The following CCBE1 variants were observed in gnomAD, a reference collection of about 807,000 sequenced individuals.
The protein encoded by CCBE1 is collagen and calcium-binding EGF domain-containing protein 1.
Under a neutral mutation model 50.0 loss-of-function variants are expected in CCBE1, and 37 were observed. That is an observed-to-expected ratio of 0.74 (90% confidence interval 0.57 to 0.97). The LOEUF is 0.97. CCBE1 is among the 50% of genes least tolerant of loss of function. The pLI, the probability that CCBE1 is intolerant of heterozygous loss-of-function variation, is 0.00. For synonymous variants in CCBE1, 234 were observed against 203.7 expected (o/e 1.15, Z -1.27); for missense variants, 538 against 523.8 (o/e 1.03, Z -0.26).
chr18:59,591,471 A>T (rs1036196575), intron 2 of CCBE1, among the ~76,000 whole-genome samples: 9 of 152,200 alleles, frequency 5.9e-5, no homozygotes, highest in Non-Finnish European at 1.0e-4. Flanking sequence ...ATGTATTAAT[A>T]ATTACATATA....
intron 2 of CCBE1, among the ~76,000 whole-genome samples, chr18:59,604,328 C>A (rs1318580744): frequency 1.3e-5 from 2 of 152,172 alleles, no homozygotes; most frequent in African/African-American, 2.4e-5. Context: ...GGAGTCTGAT[C>A]CCAAGTCTGT....
intron 2 of CCBE1, among the ~76,000 whole-genome samples, chr18:59,551,025 A>AAAAG (rs1915905101): frequency 8.7e-6 from 1 of 114,854 alleles, no homozygotes; most frequent in African/African-American, 3.8e-5. Context: ...AAAAAAAAAA[A>AAAAG]AAAAGAAAAG....
chr18:59,499,733 A>G (rs950547595), intron 2 of CCBE1, among the ~76,000 whole-genome samples: 1 of 152,236 alleles, frequency 6.6e-6, no homozygotes, highest in African/African-American at 2.4e-5. Context: ...CAGCCAAACC[A>G]TATCGCTAGG....
At chr18:59,683,208 T>C (rs1343400503) in intron 2 of CCBE1, among the ~76,000 whole-genome samples, 3 of 152,208 alleles carry the variant, frequency 2.0e-5, no homozygotes, top group Non-Finnish European at 4.4e-5. Context: ...CATAAGGATT[T>C]AGATATGCTC....
chr18:59,564,080 A>C lies in CCBE1; in HGVS notation c.213-83842T>G, dbSNP rs558391013. The C allele has an allele frequency of 5.3e-5, 8 of 152,344 alleles. No individual in the cohort carries two copies. The East Asian group carries it at 1.4e-3, about 26-fold the overall frequency. The allele number at this position is 152,344 out of a possible 1,614,324, so 9.4% of individuals were successfully genotyped here. The stretch of plus-strand genomic sequence containing the variant: ...CCTGAGATGGTGAGACATTCTTCCC[A>C]GGGCAATCTGACTCTAGGAGCCACA... On this transcript the variant is annotated intron_variant, in intron 2 of 10. Coordinates refer to ENST00000439986, the MANE Select transcript of CCBE1 (RefSeq NM_133459.4).
intron 2 of CCBE1, among the ~76,000 whole-genome samples, chr18:59,503,346 G>C (rs1913716745): frequency 7.5e-6 from 1 of 133,620 alleles, no homozygotes; most frequent in African/African-American, 3.0e-5. Flanking sequence ...TCTGAACTGT[G>C]GTATCACAGA....
chr18:59,581,722 G>A (rs946660876), intron 2 of CCBE1, among the ~76,000 whole-genome samples: 1 of 152,170 alleles, frequency 6.6e-6, no homozygotes, highest in South Asian at 2.1e-4. Flanking sequence ...CTTCTTCCCT[G>A]GGGAATTGGA....
In CCBE1 at chr18:59,435,750, G is replaced by C. The variant is rs1910120302; in HGVS notation, c.*158C>G. 2 of 751,966 alleles carry C rather than the reference G, an allele frequency of 2.7e-6. No homozygotes were observed. The highest frequency in any genetic ancestry group is 4.7e-6 in the Non-Finnish European group (2 of 421,674). 46.6% of individuals were successfully genotyped at this position (751,966 alleles called of 1,614,324 possible). A position where few individuals can be genotyped will look rare whatever the true frequency, so the allele number is the denominator to read the frequency against. On this transcript the variant is annotated 3_prime_UTR_variant, in exon 11 of 11. Transcript: ENST00000439986. ...GGCCTAGGAGGGGACTCTGAAAATA[G>C]CATCGTATTTGGAAGAAGAGGAGTG...
intron 4 of CCBE1, among the ~76,000 whole-genome samples, chr18:59,469,241 C>T (rs998167305): frequency 3.9e-5 from 6 of 152,240 alleles, no homozygotes; most frequent in Non-Finnish European, 8.8e-5. Flanking sequence ...CCTTCTCCTG[C>T]TCTTATGTCT....
At chr18:59,502,334 C>T (rs755257484) in intron 2 of CCBE1, among the ~76,000 whole-genome samples, 11 of 152,196 alleles carry the variant, frequency 7.2e-5, no homozygotes, top group Admixed American at 2.6e-4. Context: ...GACACAGGCA[C>T]GGGTTTTGCT....
chr18:59,477,265 C>T (rs1193595370), intron 3 of CCBE1, among the ~76,000 whole-genome samples: 1 of 152,150 alleles, frequency 6.6e-6, no homozygotes, highest in Admixed American at 6.5e-5. Flanking sequence ...TATTGTCACA[C>T]CCTGTGATTA....
intron 2 of CCBE1, among the ~76,000 whole-genome samples, chr18:59,615,453 A>T (rs577906575): frequency 6.6e-6 from 1 of 151,714 alleles, no homozygotes; most frequent in African/African-American, 2.4e-5. Context: ...GTCATTTCCA[A>T]TGTCATCTGC....
chr18:59,574,915 G>T (rs919077466), intron 2 of CCBE1, among the ~76,000 whole-genome samples: 1 of 152,156 alleles, frequency 6.6e-6, no homozygotes, highest in Non-Finnish European at 1.5e-5. Flanking sequence ...AAGTAGGGTT[G>T]TTGCAGATGT....
chr18:59,697,146 C>T (rs2054819164), intron 1 of CCBE1, 66 bp downstream of exon 1: 1 of 1,543,636 alleles, frequency 6.5e-7, no homozygotes, highest in Non-Finnish European at 8.7e-7. Flanking sequence ...GAGGACCGCC[C>T]GCACCCCGCG....
intron 2 of CCBE1, among the ~76,000 whole-genome samples, chr18:59,544,708 T>TCC (rs1230257127): frequency 6.6e-6 from 1 of 152,076 alleles, no homozygotes; most frequent in Non-Finnish European, 1.5e-5. Context: ...TGACAAAGAT[T>TCC]CATCTGTATG....
At chr18:59,468,140 C>T (rs1435169924) in intron 4 of CCBE1, among the ~76,000 whole-genome samples, 1 of 152,190 alleles carries the variant, frequency 6.6e-6, no homozygotes, top group Non-Finnish European at 1.5e-5. Context: ...GTAATCCCAG[C>T]GCTTTGGGGG....
At chr18:59,609,668 G>C (rs1481087981) in intron 2 of CCBE1, among the ~76,000 whole-genome samples, 2 of 152,144 alleles carry the variant, frequency 1.3e-5, no homozygotes, top group African/African-American at 4.8e-5. Context: ...CTCATGATCA[G>C]TTTCACCCTT....
chr18:59,650,014 G>C (rs1008848735), intron 2 of CCBE1, among the ~76,000 whole-genome samples: 1 of 152,060 alleles, frequency 6.6e-6, no homozygotes, highest in Non-Finnish European at 1.5e-5. Context: ...GGGTGGGGGA[G>C]CACAGGTGAG....
intron 2 of CCBE1, among the ~76,000 whole-genome samples, chr18:59,541,052 G>A (rs182349029): frequency 1.5e-4 from 23 of 152,280 alleles, no homozygotes; most frequent in Admixed American, 1.5e-3. Context: ...ATTCATTTAA[G>A]CTGTCTGAGA....
Sources: gnomAD v4.1 joint callset for allele counts (sites outside exome capture counted in the v4.1 genomes callset) on GRCh38, gnomAD v4.1.1 for gene constraint, MANE v1.5 for transcripts, NCBI Gene and HGNC (gene_info 2026-07-23, HGNC 2026-07-21) for gene names.